Variants in GRIN2C observed in about 807,000 individuals in gnomAD.
GRIN2C encodes the protein glutamate ionotropic receptor NMDA type subunit 2C, also known as glutamate receptor ionotropic, NMDA 2C.
GRIN2C carries 64 observed loss-of-function variants against 77.7 expected under a neutral mutation model. The ratio of observed to expected loss-of-function variants is 0.82; its 90% CI spans 0.67 to 1.01. GRIN2C has a LOEUF of 1.01. Ranked by LOEUF, GRIN2C falls within the 50% of genes least tolerant of loss-of-function variation. The pLI is 0.00. For missense variants in GRIN2C, 1,549 were observed against 1,486.0 expected, an observed-to-expected ratio of 1.04 and a Z score of -0.70; for synonymous variants, 792 against 643.4, an observed-to-expected ratio of 1.23 and a Z score of -3.49.
At chr17:74,858,785 T>C (rs955771022) in intron 1 of GRIN2C, among the ~76,000 whole-genome samples, 8 of 152,004 alleles carry the variant, frequency 5.3e-5, no homozygotes, top group Admixed American at 2.6e-4. Flanking sequence ...CTCCCATCCC[T>C]GGAACCCACA....
chr17:74,859,208 C>T lies in GRIN2C; in HGVS notation c.-16+536G>A, dbSNP rs1008320947. On this transcript the variant is annotated intron_variant, in intron 1 of 12. Coordinates refer to ENST00000293190, the MANE Select transcript of GRIN2C (RefSeq NM_000835.6). This position sits in a 1 kb window ranked among gnomAD's most constrained non-coding sequence, Gnocchi z 5.9. ...GGTCTCACCCCTTCCACAAACAGCC[C>T]TTAAACTAATGTTTGACAAACACAG... Among the ~76,000 whole-genome samples, 1 of 152,204 alleles carries T rather than the reference C, an allele frequency of 6.6e-6. No homozygotes were observed. The highest frequency in any genetic ancestry group is 2.4e-5 in the African/African-American group (1 of 41,456).
Position 74,847,593 on chromosome 17 carries a change from T to G in GRIN2C, c.1772-56A>C, listed in dbSNP as rs1043267809. On this transcript the variant is annotated intron_variant, in intron 8 of 12. Transcript: ENST00000293190. This position sits in a 1 kb window ranked among gnomAD's most constrained non-coding sequence, Gnocchi z 5.2. ...CTCCTCCTGCCCACCATGAAAGGGC[T>G]CAGGGCTCAGCCCACCCGACTGCAC... The G allele has an allele frequency of 7.6e-7, 1 of 1,307,414 alleles. No individual in the cohort carries two copies. Among genetic ancestry groups the G allele is most frequent in the South Asian group, 1.2e-5 (1 of 82,318 alleles). 81.0% of individuals were successfully genotyped at this position (1,307,414 alleles called of 1,614,324 possible).
upstream of GRIN2C, chr17:74,861,402 C>A (rs2037951866): frequency 1.3e-5 from 2 of 152,026 alleles, no homozygotes; most frequent in Non-Finnish European, 2.9e-5. Flanking sequence ...GAAGTTGGTG[C>A]CCCTCGCCCG....
chr17:74,847,272 G>GGCC lies in GRIN2C; in HGVS notation c.2001+35_2001+36insGGC. 1.1e-4 allele frequency: 78 copies of GGCC among 692,200 alleles called. No individual in the cohort carries two copies. Among genetic ancestry groups the GGCC allele is most frequent in the Middle Eastern group, 6.4e-4 (2 of 3,112 alleles). The allele number at this position is 692,200 out of a possible 1,614,324, so 42.9% of individuals were successfully genotyped here. The stretch of plus-strand genomic sequence containing the variant: ...CTCACGGCCTGTCCCCACCCTCAGT[G>GGCC]CCCCCCCCCACCCCCAGCAGCTATG... On this transcript the variant is annotated intron_variant, in intron 9 of 12. Coordinates refer to ENST00000293190, the MANE Select transcript of GRIN2C (RefSeq NM_000835.6). This position sits in a 1 kb window ranked among gnomAD's most constrained non-coding sequence, Gnocchi z 5.2.
Position 74,846,364 on chromosome 17 carries a change from A to G in GRIN2C, c.2163-111T>C. The G allele has an allele frequency of 1.1e-6, 1 of 876,798 alleles. No individual in the cohort carries two copies. The highest frequency in any genetic ancestry group is 1.8e-6 in the Non-Finnish European group (1 of 553,554). The allele number at this position is 876,798 out of a possible 1,614,324, so 54.3% of individuals were successfully genotyped here. The stretch of plus-strand genomic sequence containing the variant: ...CATGAGCCTGCTGGGCACCCCCGGG[A>G]GGGACCAATGGGCAGAGACTTGTCT... On this transcript the variant is annotated intron_variant, in intron 10 of 12. Transcript: ENST00000293190. This position sits in a 1 kb window ranked among gnomAD's most constrained non-coding sequence, Gnocchi z 4.4.
chr17:74,842,747 C>T lies in GRIN2C; in HGVS notation c.3390G>A (p.Glu1130=), dbSNP rs1371090698. ...CTGCCTGCTCGCCCTCCTGGCAGGC[C>T]TCCCGGTAGATCGGCAAGCACATCG... ...AQSMCLPIYR[E]ACQEGEQAGA... is the part of the protein sequence containing the mutation. Residue 1130 remains glutamate, a synonymous_variant, in exon 13 of 13, where the codon GAG becomes GAA. Coordinates refer to ENST00000293190, the MANE Select transcript of GRIN2C (RefSeq NM_000835.6). 2 of 697,632 alleles carry T rather than the reference C, an allele frequency of 2.9e-6. No homozygotes were observed. Among genetic ancestry groups the T allele is most frequent in the Non-Finnish European group, 2.6e-6 (1 of 377,776 alleles). 43.2% of individuals were successfully genotyped at this position (697,632 alleles called of 1,614,324 possible). A position where few individuals can be genotyped will look rare whatever the true frequency, so the allele number is the denominator to read the frequency against.
rs376630227 is a variant in GRIN2C at position 74,846,854 on chromosome 17, G to T, written c.2068C>A (p.Arg690=). The change falls in exon 10 of 13, where the codon CGG becomes AGG. Residue 690 remains arginine, a synonymous_variant. Transcript: ENST00000293190. This position sits in a 1 kb window ranked among gnomAD's most constrained non-coding sequence, Gnocchi z 4.4. ...TCACGGTAGTTACTGCGGATGTTCCGCTCCGTGCTGCCGTTGGGCACCGTG... is the reference window on the plus strand; with the variant it reads ...TCACGGTAGTTACTGCGGATGTTCCTCTCCGTGCTGCCGTTGGGCACCGTG... The part of the protein sequence containing the change: ...FGTVPNGSTE[R]NIRSNYRDMH... 4.3e-6 allele frequency: 7 copies of T among 1,613,984 alleles called. No individual in the cohort carries two copies. Among genetic ancestry groups the T allele is most frequent in the Non-Finnish European group, 5.9e-6 (7 of 1,180,008 alleles).
Position 74,854,930 on chromosome 17 carries a change from A to T in GRIN2C, c.163T>A (p.Phe55Ile). ...QFRARLTPQS[F>I]LDLPLEIQPL... The stretch of plus-strand genomic sequence containing the variant: ...TGGATCTCCAGGGGTAGGTCCAGGA[A>T]GCTCTGGGGGGTGAGGCGGGCACGG... Residue 55 changes from phenylalanine (F) to isoleucine (I), a missense_variant, in exon 2 of 13, where the codon TTC becomes ATC. Physicochemically the swap from Phe to Ile is conservative, Grantham distance 21. Around this residue, in one of 3 missense-constraint regions of GRIN2C, gnomAD observed 382 missense variants for 360.0 expected, o/e 1.06. Coordinates refer to ENST00000293190, the MANE Select transcript of GRIN2C (RefSeq NM_000835.6). 6.2e-7 allele frequency: 1 copy of T among 1,613,614 alleles called. No individual in the cohort carries two copies. The highest frequency in any genetic ancestry group is 2.2e-5 in the East Asian group (1 of 44,868).
chr17:74,861,479 C>T (rs2144632360), upstream of GRIN2C: 1 of 152,072 alleles, frequency 6.6e-6, no homozygotes, highest in East Asian at 1.9e-4. Context: ...GGCCGCCTCC[C>T]TCGCGGTGTC....
At chr17:74,851,909 C>T (rs1344771441) in intron 3 of GRIN2C, 104 bp downstream of exon 3, 3 of 866,158 alleles carry the variant, frequency 3.5e-6, no homozygotes, top group Admixed American at 2.9e-5. Flanking sequence ...GCCCCAGGCA[C>T]GCAGCTAGTG....
rs1388697201 is a variant in GRIN2C at position 74,852,172 on chromosome 17, C to T, written c.839G>A (p.Ser280Asn). ...PVGLISVVTE[S>N]WRLSLRQKVR... ...CTTCTGGCGCAGGCTGAGGCGCCAG[C>T]TCTCGGTGACGACGCTGATGAGGCC... Residue 280 changes from serine to asparagine, a missense_variant, in exon 3 of 13, where the codon AGC (serine) becomes AAC (asparagine). Ser to Asn is a conservative substitution (Grantham distance 46). Around this residue, in one of 3 missense-constraint regions of GRIN2C, gnomAD observed 717 missense variants for 858.1 expected, o/e 0.84. Coordinates refer to ENST00000293190, the MANE Select transcript of GRIN2C (RefSeq NM_000835.6). 2.1e-6 allele frequency: 3 copies of T among 1,460,194 alleles called. No homozygotes were observed. The highest frequency in any genetic ancestry group is 2.7e-6 in the Non-Finnish European group (3 of 1,108,194). 90.5% of individuals were successfully genotyped at this position (1,460,194 alleles called of 1,614,324 possible).
At position 74,846,420 on chromosome 17, in the gene GRIN2C, C is replaced by T. The variant is rs1363344490; in HGVS notation, c.2163-167G>A. Among the ~76,000 whole-genome samples the T allele has an allele frequency of 6.6e-6, 1 of 152,138 alleles. No homozygotes were observed. The highest frequency in any genetic ancestry group is 1.5e-5 in the Non-Finnish European group (1 of 68,028). On this transcript the variant is annotated intron_variant, in intron 10 of 12. Transcript: ENST00000293190. This position sits in a 1 kb window ranked among gnomAD's most constrained non-coding sequence, Gnocchi z 4.4. ...TCTTGGGTCCTGGATGGGGTGAGGA[C>T]CCCTCCCACCCTCCTCTGCAGAGTG...
intron 1 of GRIN2C, among the ~76,000 whole-genome samples, chr17:74,858,667 C>T (rs1475275742): frequency 6.7e-6 from 1 of 148,998 alleles, no homozygotes. Context: ...CCTCCAGCCA[C>T]TGCTCCCTCC....
intron 2 of GRIN2C, 199 bp downstream of exon 2, chr17:74,854,495 G>A (rs2037754560): frequency 1.8e-6 from 1 of 564,152 alleles, no homozygotes; most frequent in Non-Finnish European, 3.1e-6. Context: ...CAGACACAAT[G>A]TGAGGTCAGC....
In GRIN2C at chr17:74,844,375, C is replaced by T; in HGVS notation, c.2484G>A (p.Leu828=). Residue 828 remains leucine, a synonymous_variant, in exon 12 of 13, where the codon CTG becomes CTA. Coordinates refer to ENST00000293190, the MANE Select transcript of GRIN2C (RefSeq NM_000835.6). The part of the protein sequence containing the change: ...VFYMLLVAMG[L]ALLVFAWEHL... ...GCTCCCAGGCGAAGACCAGCAGGGC[C>T]AGCCCCATGGCCACCAGCAGCATGT... is the stretch of plus-strand genomic sequence containing the variant. 7 of 1,614,178 alleles carry T rather than the reference C, an allele frequency of 4.3e-6. No homozygotes were observed. Among genetic ancestry groups the T allele is most frequent in the Non-Finnish European group, 5.9e-6 (7 of 1,180,042 alleles).
At chr17:74,855,911 C>T (rs151080036) in intron 1 of GRIN2C, among the ~76,000 whole-genome samples, 16 of 152,332 alleles carry the variant, frequency 1.1e-4, no homozygotes, top group Middle Eastern at 3.4e-3. Context: ...GCAGCTCTTC[C>T]GCAGCAGGGT....
rs1290998146 is a variant in GRIN2C, at chr17:74,850,693, A to T, written c.1188T>A (p.Pro396=). The stretch of plus-strand genomic sequence containing the variant: ...CCGTCAGGTGCCGACTGTCCACCAC[A>T]GGCTGCAGAGAGGCACTGTAGCGAG... ...VWPRYSASLQ[P]VVDSRHLTVA... is the part of the protein sequence containing the mutation. Residue 396 remains proline (P), a synonymous_variant, in exon 5 of 13, where the codon CCT becomes CCA. Coordinates refer to ENST00000293190, the MANE Select transcript of GRIN2C (RefSeq NM_000835.6). The surrounding 1 kb of genome is among the most constrained non-coding windows in gnomAD (Gnocchi z 5.3). 1 of 1,613,636 alleles carries T rather than the reference A, an allele frequency of 6.2e-7. No individual in the cohort carries two copies. Among genetic ancestry groups the T allele is most frequent in the East Asian group, 2.2e-5 (1 of 44,892 alleles).
In GRIN2C at chr17:74,854,774, T is replaced by C; in HGVS notation, c.319A>G (p.Ile107Val). The change falls in exon 2 of 13, where the codon ATC becomes GTC. Residue 107 changes from isoleucine (I) to valine (V), a missense_variant. Physicochemically the swap from Ile to Val is conservative, Grantham distance 29 (BLOSUM62 3). This residue lies in a region of GRIN2C where 382 missense variants were observed against 360.0 expected (regional missense o/e 1.06). Transcript: ENST00000293190. ...GTCTGGGAGGAGATGAAGTCAAGGA[T>C]CTGGGCCACCGCCTCGGTGTCCACG... ...DNVDTEAVAQ[I>V]LDFISSQTHV... is the part of the protein sequence containing the mutation. 6.2e-7 allele frequency: 1 copy of C among 1,613,784 alleles called. No homozygotes were observed. Among genetic ancestry groups the C allele is most frequent in the Non-Finnish European group, 8.5e-7 (1 of 1,179,774 alleles).
rs753380265 is a variant in GRIN2C, at chr17:74,852,461, C to T, written c.550G>A (p.Ala184Thr). ...GHALFLEGVR[A>T]VADASHVSWR... ...CTCACGTGGCTGGCGTCGGCGACGG[C>T]GCGCACGCCCTCCAGGAAGAGCGCG... is the stretch of plus-strand genomic sequence containing the variant. Residue 184 changes from alanine to threonine, a missense_variant, in exon 3 of 13, where the codon GCC becomes ACC. Physicochemically the swap from Ala to Thr is moderately conservative, Grantham distance 58. Transcript: ENST00000293190. 14 of 1,550,664 alleles carry T rather than the reference C, an allele frequency of 9.0e-6. No individual in the cohort carries two copies. In the South Asian group the frequency reaches 1.5e-4, roughly 17 times the overall value.
Sources: allele counts gnomAD v4.1 joint callset (sites outside exome capture counted in the v4.1 genomes callset), GRCh38; gene constraint gnomAD v4.1.1; regional missense constraint gnomAD v4.1.1; non-coding constraint Gnocchi (gnomAD v3.1); transcripts MANE v1.5; gene names NCBI Gene and HGNC (gene_info 2026-07-23, HGNC 2026-07-21).